Variants in POU2F2 observed in about 807,000 individuals in gnomAD.
The protein encoded by POU2F2 is POU class 2 homeobox 2.
POU2F2 carries 14 observed loss-of-function variants against 63.5 expected under a neutral mutation model. That is an observed-to-expected ratio of 0.22 (90% CI 0.15 to 0.34). POU2F2 has a LOEUF of 0.34. Among genes scored for constraint, POU2F2 ranks in the 10% least tolerant of loss-of-function variants. The pLI, the probability that POU2F2 is intolerant of heterozygous loss-of-function variation, is 1.00. For missense variants in POU2F2, 607 were observed against 815.2 expected (o/e 0.74, Z 3.11); for synonymous variants, 306 against 348.6 (o/e 0.88, Z 1.36).
chr19:42,099,757 G>T lies in POU2F2; in HGVS notation c.434C>A (p.Pro145His). The T allele has an allele frequency of 6.3e-7, 1 of 1,589,046 alleles. No homozygotes were observed. The highest frequency in any genetic ancestry group is 1.1e-5 in the South Asian group (1 of 88,314). The change falls in exon 6 of 15, where the codon CCT (proline) becomes CAT (histidine). Residue 145 changes from proline (P) to histidine (H), a missense_variant. By Grantham distance (77) the Pro-to-His change is moderately conservative. Transcript: ENST00000692977. ...VLVPGHHLQP[P>H]AQFLLPQAQQ... ...GGCCTGCGGTAGCAGGAACTGAGCA[G>T]GTGGCTGGAGGTGGTGGCCTGGCAC...
At chr19:42,108,298 G>A (rs910505751) in intron 5 of POU2F2, among the ~76,000 whole-genome samples, 3 of 152,200 alleles carry the variant, frequency 2.0e-5, no homozygotes, top group Non-Finnish European at 2.9e-5. Flanking sequence ...ATGAAAGAAG[G>A]GGAGAAAGAT....
chr19:42,096,009 C>T lies in POU2F2; in HGVS notation c.729+73G>A. ...GGGCCCGCTCCGCCCGCCCACTGGC[C>T]ACGCCCCTCGCGGCATCTATCAACT... On this transcript the variant is annotated intron_variant, in intron 8 of 14. Coordinates refer to ENST00000692977, the MANE Select transcript of POU2F2 (RefSeq NM_001394376.1). The surrounding 1 kb of genome is among the most constrained non-coding windows in gnomAD (Gnocchi z 4.1). 1 of 1,599,034 alleles carries T rather than the reference C, an allele frequency of 6.3e-7. No homozygotes were observed.
At chr19:42,140,251 C>G (rs367609212) in intron 2 of POU2F2, among the ~76,000 whole-genome samples, 1 of 152,196 alleles carries the variant, frequency 6.6e-6, no homozygotes, top group Non-Finnish European at 1.5e-5. Flanking sequence ...AGCCCACATG[C>G]GCACTTCCTG....
chr19:42,190,291 G>A (rs2035061938), intron 1 of POU2F2, among the ~76,000 whole-genome samples: 1 of 151,962 alleles, frequency 6.6e-6, no homozygotes, highest in African/African-American at 2.4e-5. Context: ...ATATATATGT[G>A]TGTATATATA....
At chr19:42,134,814 C>T (rs564859691), upstream of POU2F2, among the ~76,000 whole-genome samples, 4 of 152,242 alleles carry the variant, frequency 2.6e-5, no homozygotes, top group African/African-American at 7.2e-5. Flanking sequence ...CCCATTGCTC[C>T]GCTCATATTT....
At position 42,117,368 on chromosome 19, in the gene POU2F2, T is replaced by TGG; in HGVS notation, c.249_250dup (p.Gln84ProfsTer34). The stretch of plus-strand genomic sequence containing the variant: ...GCCACTGGGGTCTTCAGCCTTGATC[T>TGG]GGGGGGGAGAGAGGCAGGGTCCGGG... On this transcript the variant is annotated frameshift_variant, in exon 5 of 15. Transcript: ENST00000692977. LOFTEE classifies it high-confidence loss of function. The surrounding 1 kb of genome is among the most constrained non-coding windows in gnomAD (Gnocchi z 4.4). The TGG allele has an allele frequency of 1.3e-6, 2 of 1,525,828 alleles. No individual in the cohort carries two copies. The highest frequency in any genetic ancestry group is 1.7e-6 in the Non-Finnish European group (2 of 1,144,902). 94.5% of individuals were successfully genotyped at this position (1,525,828 alleles called of 1,614,324 possible).
At chr19:42,184,535 G>T (rs11883412) in intron 1 of POU2F2, among the ~76,000 whole-genome samples, 18,347 of 152,030 alleles carry the variant, frequency 0.12, 1,288 homozygotes, top group Middle Eastern at 0.18. Flanking sequence ...AGTGATGCAT[G>T]ACTAAGGACG....
intron 1 of POU2F2, among the ~76,000 whole-genome samples, chr19:42,173,207 T>C (rs2034805245): frequency 6.6e-6 from 1 of 152,194 alleles, no homozygotes; most frequent in Non-Finnish European, 1.5e-5. Context: ...CTCTGTCTTC[T>C]AACAACTCTT....
At chr19:42,188,905 G>GAGAGAGGAAGGA (rs1484046550) in intron 1 of POU2F2, among the ~76,000 whole-genome samples, 6 of 86,246 alleles carry the variant, frequency 7.0e-5, no homozygotes, top group Non-Finnish European at 1.3e-4. Context: ...GAAGAGAAGA[G>GAGAGAGGAAGGA]AGGAAGGAAG....
chr19:42,175,245 C>G (rs947878554), intron 1 of POU2F2, among the ~76,000 whole-genome samples: 3 of 152,156 alleles, frequency 2.0e-5, no homozygotes, highest in Admixed American at 2.0e-4. Flanking sequence ...GGGACAGACC[C>G]AAACCCCCAC....
chr19:42,191,783 G>A (rs1166299839), intron 1 of POU2F2, among the ~76,000 whole-genome samples: 1 of 152,208 alleles, frequency 6.6e-6, no homozygotes, highest in East Asian at 1.9e-4. Context: ...GGATCAGAGA[G>A]CAGGATGCTG....
chr19:42,093,987 T>TG, intron 11 of POU2F2, 92 bp from the exon 12 acceptor site: 1 of 1,105,592 alleles, frequency 9.0e-7, no homozygotes. Context: ...CGTCCCAGGA[T>TG]GGGGGCAGGG....
chr19:42,113,980 GA>G (rs1447362096), intron 5 of POU2F2, among the ~76,000 whole-genome samples: 2 of 152,176 alleles, frequency 1.3e-5, no homozygotes, highest in Non-Finnish European at 2.9e-5. Context: ...CTCAGTTTGT[GA>G]GAGAGAATTC....
chr19:42,112,622 G>A (rs1360445739), intron 5 of POU2F2, among the ~76,000 whole-genome samples: 4 of 152,152 alleles, frequency 2.6e-5, no homozygotes, highest in Admixed American at 2.0e-4. Flanking sequence ...CGCCCACCTC[G>A]GCCTCCCAGA....
At chr19:42,119,291 A>G (rs1019620006) in intron 4 of POU2F2, among the ~76,000 whole-genome samples, 2 of 152,204 alleles carry the variant, frequency 1.3e-5, no homozygotes, top group Non-Finnish European at 2.9e-5. Flanking sequence ...TGCTAGTGAC[A>G]TGGGTGTGCT....
chr19:42,185,855 T>C (rs911532428), intron 1 of POU2F2, among the ~76,000 whole-genome samples: 1 of 152,154 alleles, frequency 6.6e-6, no homozygotes, highest in African/African-American at 2.4e-5. Context: ...CACAACACTA[T>C]AGTGTGCTAG....
At chr19:42,161,623 G>C (rs1262711666) in intron 1 of POU2F2, among the ~76,000 whole-genome samples, 2 of 151,922 alleles carry the variant, frequency 1.3e-5, no homozygotes, top group Non-Finnish European at 2.9e-5. Flanking sequence ...AATAGACAGA[G>C]AGGAATGAAG....
intron 1 of POU2F2, among the ~76,000 whole-genome samples, chr19:42,185,835 A>G (rs570054465): frequency 6.6e-6 from 1 of 152,212 alleles, no homozygotes; most frequent in African/African-American, 2.4e-5. Context: ...ACACAAATGC[A>G]TATATAAATC....
At chr19:42,195,042 G>T in intron 1 of POU2F2, among the ~76,000 whole-genome samples, 1 of 86,370 alleles carries the variant, frequency 1.2e-5, no homozygotes, top group African/African-American at 4.5e-5. Flanking sequence ...AGGGAGGGAG[G>T]GAGGAAGGAA....
Sources: gnomAD v4.1 joint callset for allele counts (sites outside exome capture counted in the v4.1 genomes callset) on GRCh38, gnomAD v4.1.1 for gene constraint, Gnocchi (gnomAD v3.1) non-coding constraint, MANE v1.5 for transcripts, NCBI Gene and HGNC (gene_info 2026-07-23, HGNC 2026-07-21) for gene names.